The following RBM47 variants were observed in gnomAD, a reference collection of about 807,000 sequenced individuals.
The protein encoded by RBM47 is RNA binding motif protein 47, also known as RNA-binding protein 47.
Under a neutral mutation model 47.1 loss-of-function variants are expected in RBM47, and 21 were observed. The observed-to-expected ratio is 0.45, with a 90% CI of 0.32 to 0.64. The LOEUF is 0.64. RBM47 is among the 30% of genes least tolerant of loss of function. The pLI, the probability that RBM47 is intolerant of heterozygous loss-of-function variation, is 0.05. For missense variants in RBM47, 708 were observed against 870.9 expected (o/e 0.81, Z 2.35); for synonymous variants, 375 against 361.7 (o/e 1.04, Z -0.42).
chr4:40,455,883 T>C (rs1354326945), intron 3 of RBM47, among the ~76,000 whole-genome samples: 1 of 152,232 alleles, frequency 6.6e-6, no homozygotes, highest in African/African-American at 2.4e-5. Flanking sequence ...GACAACTGTG[T>C]AGTCACAGTT....
intron 1 of RBM47, among the ~76,000 whole-genome samples, chr4:40,579,774 G>T (rs566276383): frequency 6.7e-6 from 1 of 149,292 alleles, no homozygotes; most frequent in South Asian, 2.1e-4. Flanking sequence ...TTGAGACTAG[G>T]TCTCACTCTG....
chr4:40,527,669 A>G (rs1337512140), intron 2 of RBM47, among the ~76,000 whole-genome samples: 2 of 145,170 alleles, frequency 1.4e-5, no homozygotes, highest in African/African-American at 5.1e-5. Flanking sequence ...TCAACTGGTA[A>G]CGCCCGCCTC....
At chr4:40,578,070 T>C (rs772214090) in intron 1 of RBM47, among the ~76,000 whole-genome samples, 14 of 152,294 alleles carry the variant, frequency 9.2e-5, no homozygotes, top group Middle Eastern at 3.4e-3. Flanking sequence ...AAAATCAAAA[T>C]GGAGTCACCC....
At chr4:40,508,150 G>A (rs753785588) in intron 2 of RBM47, among the ~76,000 whole-genome samples, 1 of 152,196 alleles carries the variant, frequency 6.6e-6, no homozygotes, top group African/African-American at 2.4e-5. Flanking sequence ...TTCTGGCATT[G>A]TCTTTGCCAG....
chr4:40,569,868 C>T (rs889552215), intron 1 of RBM47, among the ~76,000 whole-genome samples: 4 of 151,570 alleles, frequency 2.6e-5, no homozygotes, highest in Non-Finnish European at 4.4e-5. Context: ...GCTGTGACCA[C>T]GCCTGGCTAA....
intron 2 of RBM47, among the ~76,000 whole-genome samples, chr4:40,532,480 T>C (rs1330848222): frequency 6.6e-6 from 1 of 150,710 alleles, no homozygotes; most frequent in Non-Finnish European, 1.5e-5. Context: ...ACCCAGCTAA[T>C]TTTTTGTATT....
chr4:40,573,602 G>T (rs1423855801), intron 1 of RBM47, among the ~76,000 whole-genome samples: 1 of 151,750 alleles, frequency 6.6e-6, no homozygotes, highest in African/African-American at 2.4e-5. Context: ...AATTAGCTGG[G>T]CATGGTAGCA....
At chr4:40,566,632 G>C (rs1731134821) in intron 1 of RBM47, among the ~76,000 whole-genome samples, 1 of 151,986 alleles carries the variant, frequency 6.6e-6, no homozygotes, top group African/African-American at 2.4e-5. Context: ...GCGACAGAGC[G>C]AGACTCCATC....
chr4:40,548,633 A>T (rs530502268), intron 1 of RBM47, among the ~76,000 whole-genome samples: 27 of 152,182 alleles, frequency 1.8e-4, no homozygotes, highest in Non-Finnish European at 3.1e-4. Flanking sequence ...TTATGTAGGG[A>T]AAGAGAAGCC....
At chr4:40,603,879 G>A (rs1227085884) in intron 1 of RBM47, among the ~76,000 whole-genome samples, 1 of 152,122 alleles carries the variant, frequency 6.6e-6, no homozygotes, top group Non-Finnish European at 1.5e-5. Context: ...TGGGATTACA[G>A]GCGTGAGCCA....
At chr4:40,585,034 G>T (rs1263857087) in intron 1 of RBM47, among the ~76,000 whole-genome samples, 1 of 152,182 alleles carries the variant, frequency 6.6e-6, no homozygotes, top group Non-Finnish European at 1.5e-5. Flanking sequence ...TTAAGGCAGA[G>T]AAAATGACTA....
At chr4:40,510,187 CAAAAAAAA>C (rs1192114584) in intron 2 of RBM47, among the ~76,000 whole-genome samples, 2 of 104,246 alleles carry the variant, frequency 1.9e-5, no homozygotes, top group African/African-American at 7.3e-5. Flanking sequence ...AACTCCATCT[CAAAAAAAA>C]AAAAAAAAAA....
intron 1 of RBM47, among the ~76,000 whole-genome samples, chr4:40,604,497 C>A (rs1040948647): frequency 1.3e-5 from 2 of 152,088 alleles, no homozygotes; most frequent in Non-Finnish European, 2.9e-5. Context: ...CATGGTGGTA[C>A]CTGCCTGTAG....
chr4:40,490,218 C>T (rs1721674277), intron 2 of RBM47, among the ~76,000 whole-genome samples: 1 of 151,816 alleles, frequency 6.6e-6, no homozygotes, highest in South Asian at 2.1e-4. Context: ...AGAACAGCAA[C>T]AAGGATTTGC....
chr4:40,435,069 C>T (rs1279678962), intron 5 of RBM47, among the ~76,000 whole-genome samples: 1 of 152,074 alleles, frequency 6.6e-6, no homozygotes, highest in Non-Finnish European at 1.5e-5. Flanking sequence ...ATCAGAAGAC[C>T]GGCCTCACAT....
At chr4:40,582,551 A>G (rs145390706) in intron 1 of RBM47, among the ~76,000 whole-genome samples, 1 of 152,236 alleles carries the variant, frequency 6.6e-6, no homozygotes, top group African/African-American at 2.4e-5. Context: ...ACAAACAAAC[A>G]ATAAAAACAA....
intron 2 of RBM47, among the ~76,000 whole-genome samples, chr4:40,520,811 G>T (rs552646458): frequency 6.6e-6 from 1 of 152,182 alleles, no homozygotes; most frequent in Admixed American, 6.5e-5. Flanking sequence ...AAGGAAGGAG[G>T]GGCTGCAATA....
chr4:40,446,173 C>A (rs570501924), intron 3 of RBM47, among the ~76,000 whole-genome samples: 8 of 152,300 alleles, frequency 5.3e-5, no homozygotes, highest in Admixed American at 1.3e-4. Context: ...TATTATGTGA[C>A]AGGCAGAGTG....
At chr4:40,496,355 CA>C (rs751389063) in intron 2 of RBM47, among the ~76,000 whole-genome samples, 4,530 of 111,196 alleles carry the variant, frequency 0.041, 126 homozygotes, top group African/African-American at 0.11. Flanking sequence ...CACACACACA[CA>C]CACACACAAA....
Sources: allele counts gnomAD v4.1 joint callset (sites outside exome capture counted in the v4.1 genomes callset), GRCh38; gene constraint gnomAD v4.1.1; transcripts MANE v1.5; gene names NCBI Gene and HGNC (gene_info 2026-07-23, HGNC 2026-07-21).